The following TTLL11 variants were observed in gnomAD, a reference collection of about 807,000 sequenced individuals.
TTLL11 encodes tubulin tyrosine ligase like 11.
Under a neutral mutation model 51.7 loss-of-function variants are expected in TTLL11, and 42 were observed. That is an observed-to-expected ratio of 0.81 (90% CI 0.64 to 1.05). The LOEUF (loss-of-function observed/expected upper bound fraction) is 1.05, where lower values mean the gene tolerates loss of function less well. Ranked by LOEUF, TTLL11 falls within the 50% of genes least tolerant of loss-of-function variation. The pLI is 0.00. For missense variants in TTLL11, 799 were observed against 940.4 expected (o/e 0.85, Z 1.97); for synonymous variants, 381 against 383.5 (o/e 0.99, Z 0.08).
chr9:121,973,649 C>T (rs182226127), intron 6 of TTLL11, among the ~76,000 whole-genome samples: 283 of 152,084 alleles, frequency 1.9e-3, no homozygotes, highest in African/African-American at 3.4e-3. Context: ...TGTTAAATGA[C>T]GAGTTAATGG....
intron 6 of TTLL11, among the ~76,000 whole-genome samples, chr9:121,875,776 C>A (rs1838541752): frequency 6.6e-6 from 1 of 152,178 alleles, no homozygotes; most frequent in Non-Finnish European, 1.5e-5. Flanking sequence ...AAATATAAAT[C>A]AAGCTGACTA....
intron 1 of TTLL11, among the ~76,000 whole-genome samples, chr9:122,076,141 C>T (rs1394123076): frequency 6.6e-6 from 1 of 152,158 alleles, no homozygotes; most frequent in Non-Finnish European, 1.5e-5. Context: ...CCCCATCCAC[C>T]ACCATTCTGT....
intron 6 of TTLL11, among the ~76,000 whole-genome samples, chr9:121,898,756 C>T (rs367898206): frequency 1.3e-5 from 2 of 152,348 alleles, no homozygotes; most frequent in African/African-American, 2.4e-5. Flanking sequence ...TGGGATCAAG[C>T]GATCCTCTTG....
chr9:121,902,360 G>C (rs1477424502), intron 6 of TTLL11, among the ~76,000 whole-genome samples: 1 of 152,324 alleles, frequency 6.6e-6, no homozygotes, highest in East Asian at 1.9e-4. Flanking sequence ...TGATGGAGGT[G>C]GTTTTGAATA....
At chr9:121,916,524 A>AG (rs1840333197) in intron 6 of TTLL11, among the ~76,000 whole-genome samples, 1 of 151,446 alleles carries the variant, frequency 6.6e-6, no homozygotes, top group South Asian at 2.1e-4. Context: ...GCAATAAAGA[A>AG]AAAAAAGCCT....
At chr9:122,068,226 G>A (rs749154239) in intron 1 of TTLL11, among the ~76,000 whole-genome samples, 1 of 152,058 alleles carries the variant, frequency 6.6e-6, no homozygotes, top group Non-Finnish European at 1.5e-5. Flanking sequence ...GAACAGAATC[G>A]AGTGGATTAT....
At chr9:121,937,339 G>A (rs966642489) in intron 6 of TTLL11, among the ~76,000 whole-genome samples, 1 of 152,212 alleles carries the variant, frequency 6.6e-6, no homozygotes. Context: ...CCTGCTTTAA[G>A]AGAAGAGGTT....
intron 3 of TTLL11, among the ~76,000 whole-genome samples, chr9:122,029,184 T>C (rs1373528999): frequency 6.6e-6 from 1 of 152,208 alleles, no homozygotes; most frequent in African/African-American, 2.4e-5. Context: ...ACAGAATACT[T>C]GATAATGATA....
chr9:121,950,217 C>G lies in TTLL11; in HGVS notation c.1481+23792G>C, dbSNP rs564313928. Among the ~76,000 whole-genome samples the G allele has an allele frequency of 5.3e-5, 8 of 152,252 alleles. No homozygotes were observed. In the South Asian group the frequency reaches 1.7e-3, roughly 32 times the overall value. On this transcript the variant is annotated intron_variant, in intron 6 of 8. Transcript: ENST00000321582. ...AGGCGCTCTGCACCCCGTATCACCG[C>G]ACTCCTCAAATGATGTTGGGATCTT... is the stretch of plus-strand genomic sequence containing the variant.
intron 2 of TTLL11, 81 bp from the exon 3 acceptor site, chr9:122,031,937 C>G: frequency 6.6e-7 from 1 of 1,517,718 alleles, no homozygotes; most frequent in East Asian, 2.3e-5. Flanking sequence ...ACTTTTAAAA[C>G]CACCCACCCG....
intron 3 of TTLL11, among the ~76,000 whole-genome samples, chr9:122,021,470 CA>C (rs1844178998): frequency 6.6e-6 from 1 of 152,088 alleles, no homozygotes; most frequent in African/African-American, 2.4e-5. Context: ...AAAACACCCC[CA>C]AAAAAGCAGA....
chr9:121,874,666 G>T (rs1007127326), intron 6 of TTLL11, among the ~76,000 whole-genome samples: 2 of 151,824 alleles, frequency 1.3e-5, no homozygotes, highest in African/African-American at 4.8e-5. Context: ...TTCCCCCTCA[G>T]TTAGAGATCT....
chr9:121,943,820 A>G (rs1283574368), intron 6 of TTLL11, among the ~76,000 whole-genome samples: 1 of 152,222 alleles, frequency 6.6e-6, no homozygotes, highest in Non-Finnish European at 1.5e-5. Context: ...CTTCGTGGGA[A>G]TAGACCATGT....
chr9:121,897,640 A>ACACACACGTG (rs111331446), intron 6 of TTLL11, among the ~76,000 whole-genome samples: 1 of 139,292 alleles, frequency 7.2e-6, no homozygotes, highest in Non-Finnish European at 1.6e-5. Context: ...ACACACACAC[A>ACACACACGTG]CGCGCGCGCG....
At chr9:121,983,722 T>A (rs1842874665) in intron 4 of TTLL11, among the ~76,000 whole-genome samples, 1 of 152,168 alleles carries the variant, frequency 6.6e-6, no homozygotes, top group South Asian at 2.1e-4. Flanking sequence ...TTCTGGGCTC[T>A]CCCAGCATCC....
chr9:121,922,695 C>T (rs1213909305), intron 6 of TTLL11, among the ~76,000 whole-genome samples: 1 of 152,008 alleles, frequency 6.6e-6, no homozygotes, highest in African/African-American at 2.4e-5. Flanking sequence ...GAGCCCCAAG[C>T]AGGCCCCGTA....
In TTLL11 at chr9:121,873,902, G is replaced by A. The variant is rs557532763; in HGVS notation, c.1482-3154C>T. On this transcript the variant is annotated intron_variant, in intron 6 of 8. Transcript: ENST00000321582. Reference sequence around the variant, plus strand: ...CACCCAGGCTGGAGTGTAGTGGCGTGATCTTGGCTCACTGCCACTGCAACC... The same window carrying A: ...CACCCAGGCTGGAGTGTAGTGGCGTAATCTTGGCTCACTGCCACTGCAACC... 2.1e-4 allele frequency among the ~76,000 whole-genome samples: 30 copies of A among 144,862 alleles called. 1 individual carries two copies. In the East Asian group the frequency reaches 6.2e-3, roughly 30 times the overall value.
At chr9:121,897,650 G>GCT (rs1554766735) in intron 6 of TTLL11, among the ~76,000 whole-genome samples, 6 of 66,840 alleles carry the variant, frequency 9.0e-5, no homozygotes, top group African/African-American at 2.6e-4. Context: ...ACGCGCGCGC[G>GCT]AAGTCTCCAA....
chr9:122,077,807 G>A (rs189067584), intron 1 of TTLL11, among the ~76,000 whole-genome samples: 116 of 139,360 alleles, frequency 8.3e-4, no homozygotes, highest in African/African-American at 2.9e-3. Context: ...AACTGACCAT[G>A]TATTAGACCA....
Sources: gnomAD v4.1 joint callset for allele counts (sites outside exome capture counted in the v4.1 genomes callset) on GRCh38, gnomAD v4.1.1 for gene constraint, MANE v1.5 for transcripts, NCBI Gene and HGNC (gene_info 2026-07-23, HGNC 2026-07-21) for gene names.